The following GLRX3 variants were observed in gnomAD, a reference collection of about 807,000 sequenced individuals.
The protein encoded by GLRX3 is glutaredoxin 3.
GLRX3 carries 22 observed loss-of-function variants against 49.5 expected under a neutral mutation model. That is an observed-to-expected ratio of 0.44 (90% CI 0.32 to 0.63). GLRX3 has a LOEUF of 0.63. Among genes scored for constraint, GLRX3 ranks in the 30% least tolerant of loss-of-function variants. GLRX3 has a pLI of 0.05. For missense variants in GLRX3, 385 were observed against 396.3 expected, an observed-to-expected ratio of 0.97 and a Z score of 0.24; for synonymous variants, 133 against 140.0, an observed-to-expected ratio of 0.95 and a Z score of 0.35.
intron 2 of GLRX3, among the ~76,000 whole-genome samples, chr10:130,153,627 G>A (rs1047710178): frequency 1.3e-5 from 2 of 152,190 alleles, no homozygotes; most frequent in Non-Finnish European, 2.9e-5. Context: ...ACCAGCAGAG[G>A]CTGCAGAACA....
intron 2 of GLRX3, among the ~76,000 whole-genome samples, chr10:130,149,386 G>A (rs1050079595): frequency 6.6e-6 from 1 of 150,972 alleles, no homozygotes; most frequent in Non-Finnish European, 1.5e-5. Flanking sequence ...AGGTTGCAGT[G>A]ACCCGAGATC....
intron 1 of GLRX3, among the ~76,000 whole-genome samples, chr10:130,137,765 G>C (rs1862090050): frequency 6.6e-6 from 1 of 152,136 alleles, no homozygotes; most frequent in Non-Finnish European, 1.5e-5. Flanking sequence ...GACAGGGTCT[G>C]GCTCTGTCAC....
intron 1 of GLRX3, among the ~76,000 whole-genome samples, chr10:130,143,912 T>A (rs1033452785): frequency 5.9e-5 from 9 of 152,164 alleles, no homozygotes; most frequent in African/African-American, 1.9e-4. Flanking sequence ...TTAGCCAGGC[T>A]GGTCTCGAAC....
At chr10:130,152,308 T>TA (rs1862392993) in intron 2 of GLRX3, among the ~76,000 whole-genome samples, 1 of 152,120 alleles carries the variant, frequency 6.6e-6, no homozygotes, top group South Asian at 2.1e-4. Context: ...CATGAACCAC[T>TA]ACACCCAGTC....
At chr10:130,180,259 T>G (rs1862999117), downstream of GLRX3, 1 of 152,108 alleles carries the variant, frequency 6.6e-6, no homozygotes, top group East Asian at 1.9e-4. Context: ...GCCCACCTAA[T>G]TTTTTATTTC....
intron 3 of GLRX3, among the ~76,000 whole-genome samples, chr10:130,160,401 A>G (rs891999587): frequency 3.9e-5 from 6 of 152,202 alleles, no homozygotes; most frequent in Non-Finnish European, 7.3e-5. Context: ...CCTGGACATA[A>G]TGGAATCTCT....
chr10:130,173,441 G>A (rs1364004100), intron 8 of GLRX3, among the ~76,000 whole-genome samples: 1 of 152,160 alleles, frequency 6.6e-6, no homozygotes, highest in African/African-American at 2.4e-5. Flanking sequence ...CTCTTGCTGG[G>A]CGCCAAATGT....
In GLRX3 at chr10:130,160,780, A is replaced by G. The variant is rs1862559927; in HGVS notation, c.277-16A>G. On this transcript the variant is annotated splice_polypyrimidine_tract_variant and intron_variant, in intron 3 of 10. Coordinates refer to ENST00000331244, the MANE Select transcript of GLRX3 (RefSeq NM_006541.5). Reference sequence around the variant, plus strand: ...TGGAATGCTGCATGTATTCTAAATAACTTTTTAAACTTTAGAATTCTCAGA... The same window carrying G: ...TGGAATGCTGCATGTATTCTAAATAGCTTTTTAAACTTTAGAATTCTCAGA... The G allele has an allele frequency of 2.1e-6, 3 of 1,435,438 alleles. No individual in the cohort carries two copies. The highest frequency in any genetic ancestry group is 2.3e-5 in the South Asian group (2 of 87,350). 88.9% of individuals were successfully genotyped at this position (1,435,438 alleles called of 1,614,324 possible).
chr10:130,159,609 G>C (rs1862537742), intron 2 of GLRX3: 1 of 169,938 alleles, frequency 5.9e-6, no homozygotes, highest in African/African-American at 2.4e-5. Context: ...CAAACAGCAA[G>C]AATTGCTGTG....
At chr10:130,159,926 C>A in intron 2 of GLRX3, 69 bp from the exon 3 acceptor site, 1 of 1,274,312 alleles carries the variant, frequency 7.8e-7, no homozygotes, top group Non-Finnish European at 1.1e-6. Flanking sequence ...GCATGTGAAA[C>A]TGATTTACAT....
At chr10:130,150,020 C>T (rs913598681) in intron 2 of GLRX3, among the ~76,000 whole-genome samples, 3 of 150,146 alleles carry the variant, frequency 2.0e-5, no homozygotes, top group Non-Finnish European at 4.4e-5. Flanking sequence ...GGGTGGATCA[C>T]GAGGTCAGGA....
intron 10 of GLRX3, among the ~76,000 whole-genome samples, chr10:130,176,770 C>CTCCG (rs1554958611): frequency 8.7e-6 from 1 of 114,480 alleles, no homozygotes; most frequent in East Asian, 2.4e-4. Context: ...CCCTCCCTCC[C>CTCCG]TCTTTCTCTC....
chr10:130,136,449 T>G lies in GLRX3; in HGVS notation c.29T>G (p.Val10Gly). Residue 10 changes from valine to glycine, a missense_variant, in exon 1 of 11, where the codon GTA (valine) becomes GGA (glycine). Transcript: ENST00000331244. MAAGAAEAAVAAVEEVGSAG... is the reference protein window; with the variant it reads MAAGAAEAAGAAVEEVGSAG... ...GCGGCGGGGGCGGCTGAGGCAGCTG[T>G]AGCGGCCGTGGAGGAGGTCGGCTCA... The G allele has an allele frequency of 5.5e-6, 7 of 1,262,014 alleles. No homozygotes were observed. Among genetic ancestry groups the G allele is most frequent in the Non-Finnish European group, 7.0e-6 (7 of 997,616 alleles). 78.2% of individuals were successfully genotyped at this position (1,262,014 alleles called of 1,614,324 possible). A position where few individuals can be genotyped will look rare whatever the true frequency, so the allele number is the denominator to read the frequency against.
chr10:130,141,580 TTGTC>T (rs1407130285), intron 1 of GLRX3, among the ~76,000 whole-genome samples: 6 of 152,196 alleles, frequency 3.9e-5, no homozygotes, highest in East Asian at 1.9e-4. Flanking sequence ...ATACAGTTCT[TTGTC>T]TGTGTTATCT....
chr10:130,159,897 A>G, intron 2 of GLRX3, 98 bp from the exon 3 acceptor site: 1 of 1,262,578 alleles, frequency 7.9e-7, no homozygotes, highest in Non-Finnish European at 1.1e-6. Flanking sequence ...AAAAAATGCC[A>G]GCTACTTGAA....
chr10:130,163,294 G>T (rs1433406028), intron 4 of GLRX3, among the ~76,000 whole-genome samples: 1 of 152,066 alleles, frequency 6.6e-6, no homozygotes, highest in African/African-American at 2.4e-5. Flanking sequence ...GCATGGTGGA[G>T]TCCTGTAATT....
chr10:130,158,361 C>T (rs1265024379), intron 2 of GLRX3, among the ~76,000 whole-genome samples: 6 of 152,056 alleles, frequency 3.9e-5, no homozygotes, highest in Non-Finnish European at 7.4e-5. Context: ...TACAGGCACC[C>T]GCCATCATGC....
rs1281855483 is a variant in GLRX3, at chr10:130,136,425, C to T, written c.5C>T (p.Ala2Val). Residue 2 changes from alanine (A) to valine (V), a missense_variant, in exon 1 of 11, where the codon GCG (alanine) becomes GTG (valine). Physicochemically the swap from Ala to Val is moderately conservative, Grantham distance 64. Transcript: ENST00000331244. ...CTTCTGTCTGGCGGCGGCAGCATGG[C>T]GGCGGGGGCGGCTGAGGCAGCTGTA... Reference protein sequence around the residue: MAAGAAEAAVAA... With the variant: MVAGAAEAAVAA... 1.2e-5 allele frequency: 15 copies of T among 1,254,040 alleles called. No homozygotes were observed. In the Admixed American group the frequency reaches 3.3e-4, roughly 28 times the overall value. The allele number at this position is 1,254,040 out of a possible 1,614,324, so 77.7% of individuals were successfully genotyped here. A position where few individuals can be genotyped will look rare whatever the true frequency, so the allele number is the denominator to read the frequency against.
At chr10:130,167,641 A>C (rs950332433) in intron 6 of GLRX3, among the ~76,000 whole-genome samples, 10 of 152,218 alleles carry the variant, frequency 6.6e-5, no homozygotes, top group African/African-American at 2.2e-4. Flanking sequence ...TATATCAGCA[A>C]TCAGCCATTC....
Sources: allele counts gnomAD v4.1 joint callset (sites outside exome capture counted in the v4.1 genomes callset), GRCh38; gene constraint gnomAD v4.1.1; transcripts MANE v1.5; gene names NCBI Gene and HGNC (gene_info 2026-07-23, HGNC 2026-07-21).